The following SLC24A2 variants were observed in gnomAD, a reference collection of about 807,000 sequenced individuals.
The protein encoded by SLC24A2 is sodium/potassium/calcium exchanger 2.
Under a neutral mutation model 62.0 loss-of-function variants are expected in SLC24A2, and 36 were observed. The observed-to-expected ratio is 0.58, with a 90% confidence interval of 0.44 to 0.77. SLC24A2 has a LOEUF of 0.77. Among genes scored for constraint, SLC24A2 ranks in the 30% least tolerant of loss-of-function variants. SLC24A2 has a pLI of 0.00. For missense variants in SLC24A2, 846 were observed against 817.9 expected, an observed-to-expected ratio of 1.03 and a Z score of -0.42; for synonymous variants, 358 against 294.0, an observed-to-expected ratio of 1.22 and a Z score of -2.23.
Position 19,599,642 on chromosome 9 carries a change from G to A in SLC24A2, c.1079-2363C>T, listed in dbSNP as rs1836792644. 6.6e-6 allele frequency among the ~76,000 whole-genome samples: 1 copy of A among 152,152 alleles called. No individual in the cohort carries two copies. Among genetic ancestry groups the A allele is most frequent in the Admixed American group, 6.5e-5 (1 of 15,270 alleles). ...AAGGAGGATTGGGCAGCATCTCCAGGAGCCACAAGGCCCTCCTCCCTGAAG... is the reference window on the plus strand; with the variant it reads ...AAGGAGGATTGGGCAGCATCTCCAGAAGCCACAAGGCCCTCCTCCCTGAAG... On this transcript the variant is annotated intron_variant, in intron 4 of 10. Transcript: ENST00000341998. The surrounding 1 kb of genome is among the most constrained non-coding windows in gnomAD (Gnocchi z 4.5).
chr9:19,579,648 G>T (rs1836144466), intron 5 of SLC24A2, among the ~76,000 whole-genome samples: 1 of 152,172 alleles, frequency 6.6e-6, no homozygotes, highest in African/African-American at 2.4e-5. Flanking sequence ...AAGCAGGAAA[G>T]CATTCAGAAG....
At chr9:20,280,569 T>C in the SLC24A2 span, among the ~76,000 whole-genome samples, 1 of 152,236 alleles carries the variant, frequency 6.6e-6, no homozygotes, top group African/African-American at 2.4e-5. Context: ...TCTCTGGTAC[T>C]GGAGCCACAT....
At chr9:20,008,243 C>T in the SLC24A2 span, among the ~76,000 whole-genome samples, 1 of 151,940 alleles carries the variant, frequency 6.6e-6, no homozygotes, top group Non-Finnish European at 1.5e-5. Flanking sequence ...CTCTCCCCAC[C>T]CCTATCCACT....
At chr9:19,715,561 G>A (rs1293625073) in intron 2 of SLC24A2, among the ~76,000 whole-genome samples, 1 of 152,086 alleles carries the variant, frequency 6.6e-6, no homozygotes, top group East Asian at 1.9e-4. Context: ...TCTGAAAGTC[G>A]AAAGTTTTAT....
chr9:20,098,951 A>T, the SLC24A2 span, among the ~76,000 whole-genome samples: 2 of 152,120 alleles, frequency 1.3e-5, no homozygotes, highest in African/African-American at 4.8e-5. Flanking sequence ...TTGATTTAGG[A>T]TATACACAAC....
chr9:20,107,200 C>T, the SLC24A2 span, among the ~76,000 whole-genome samples: 1 of 152,066 alleles, frequency 6.6e-6, no homozygotes. Context: ...AAAGAGGATA[C>T]AAAGAAATGG....
At chr9:19,785,646 A>G (rs1041231049) in intron 2 of SLC24A2, among the ~76,000 whole-genome samples, 2 of 152,268 alleles carry the variant, frequency 1.3e-5, no homozygotes, top group Admixed American at 1.3e-4. Context: ...CTTTCAGAAA[A>G]TAAGAGACAA....
At chr9:20,070,048 T>C in the SLC24A2 span, among the ~76,000 whole-genome samples, 3 of 152,210 alleles carry the variant, frequency 2.0e-5, no homozygotes, top group Non-Finnish European at 4.4e-5. Flanking sequence ...GACTTATTTT[T>C]ATTATTTATT....
In SLC24A2 at chr9:19,513,232, C is replaced by T. The variant is rs572072532; in HGVS notation, c.*2921G>A. On this transcript the variant is annotated 3_prime_UTR_variant, in exon 11 of 11. Transcript: ENST00000341998. ...TGTATATACACAGGCATGCAGGAAA[C>T]GAGTTAGAGATGACCTGTTTTGGAA... 2.8e-5 allele frequency: 4 copies of T among 142,654 alleles called. No individual in the cohort carries two copies. The highest frequency in any genetic ancestry group is 8.0e-5 in the African/African-American group (3 of 37,710). The allele number at this position is 142,654 out of a possible 1,614,324, so 8.8% of individuals were successfully genotyped here.
chr9:20,177,416 T>C, the SLC24A2 span, among the ~76,000 whole-genome samples: 3 of 152,228 alleles, frequency 2.0e-5, no homozygotes, highest in Admixed American at 2.0e-4. Context: ...CTTTGTCTTC[T>C]TTGTTGCAGC....
At chr9:19,829,936 G>A in the SLC24A2 span, among the ~76,000 whole-genome samples, 2 of 150,398 alleles carry the variant, frequency 1.3e-5, no homozygotes, top group East Asian at 2.0e-4. Flanking sequence ...ATTTTATTTG[G>A]ATTCTCCAGT....
the SLC24A2 span, among the ~76,000 whole-genome samples, chr9:20,221,914 T>C: frequency 6.6e-6 from 1 of 152,148 alleles, no homozygotes; most frequent in Non-Finnish European, 1.5e-5. Context: ...AGGAAATTAT[T>C]AAGATTTACC....
chr9:19,783,199 C>T (rs1300500159), intron 2 of SLC24A2, among the ~76,000 whole-genome samples: 7 of 152,148 alleles, frequency 4.6e-5, no homozygotes, highest in Admixed American at 4.6e-4. Context: ...TATTCACTGC[C>T]TAGAGCCCAG....
the SLC24A2 span, among the ~76,000 whole-genome samples, chr9:20,060,258 C>T: frequency 6.6e-6 from 1 of 152,042 alleles, no homozygotes; most frequent in African/African-American, 2.4e-5. Context: ...CCTTTTCAAA[C>T]TCTCCCAAAA....
At chr9:19,771,067 G>C (rs2118892505) in intron 2 of SLC24A2, among the ~76,000 whole-genome samples, 1 of 152,250 alleles carries the variant, frequency 6.6e-6, no homozygotes, top group Middle Eastern at 3.4e-3. Context: ...GCAAGTATTG[G>C]GGCTGCCGAG....
At chr9:19,873,220 TCTCC>T in the SLC24A2 span, among the ~76,000 whole-genome samples, 1 of 150,226 alleles carries the variant, frequency 6.7e-6, no homozygotes, top group African/African-American at 2.4e-5. Flanking sequence ...TCCCTCCCTC[TCTCC>T]CTTCCTTCGT....
At chr9:20,261,617 A>T in the SLC24A2 span, among the ~76,000 whole-genome samples, 1 of 151,410 alleles carries the variant, frequency 6.6e-6, no homozygotes, top group Admixed American at 6.6e-5. Context: ...ATTTTGGGGG[A>T]TGCATTTAAA....
chr9:19,893,153 C>A, the SLC24A2 span, among the ~76,000 whole-genome samples: 5 of 152,094 alleles, frequency 3.3e-5, no homozygotes, highest in African/African-American at 1.2e-4. Context: ...GAGTGGCGGG[C>A]AGAGAAGCAA....
At chr9:19,902,172 G>A in the SLC24A2 span, among the ~76,000 whole-genome samples, 1 of 152,176 alleles carries the variant, frequency 6.6e-6, no homozygotes, top group African/African-American at 2.4e-5. Flanking sequence ...TGCAAAAAGG[G>A]AAGGGGTATA....
Sources: allele counts gnomAD v4.1 joint callset (sites outside exome capture counted in the v4.1 genomes callset), GRCh38; gene constraint gnomAD v4.1.1; non-coding constraint Gnocchi (gnomAD v3.1); transcripts MANE v1.5; gene names NCBI Gene and HGNC (gene_info 2026-07-23, HGNC 2026-07-21).